LAMA4: variants seen among roughly 807,000 people sequenced by gnomAD.
The protein encoded by LAMA4 is laminin subunit alpha-4.
Under a neutral mutation model 207.1 loss-of-function variants are expected in LAMA4, and 127 were observed. The ratio of observed to expected loss-of-function variants is 0.61; its 90% CI spans 0.53 to 0.71. The LOEUF (loss-of-function observed/expected upper bound fraction) is 0.71. LAMA4 is among the 30% of genes least tolerant of loss of function. The pLI is 0.00. For synonymous variants in LAMA4, 761 were observed against 816.0 expected, an observed-to-expected ratio of 0.93 and a Z score of 1.15; for missense variants, 2,093 against 2,246.5, an observed-to-expected ratio of 0.93 and a Z score of 1.38.
intron 14 of LAMA4, among the ~76,000 whole-genome samples, chr6:112,157,010 G>T (rs1044594982): frequency 2.6e-5 from 4 of 151,846 alleles, no homozygotes; most frequent in Non-Finnish European, 4.4e-5. Context: ...TGAAATAAAG[G>T]TTTTACTTTT....
chr6:112,159,252 A>G (rs1780908938), intron 13 of LAMA4: 1 of 239,510 alleles, frequency 4.2e-6, no homozygotes, highest in Non-Finnish European at 8.2e-6. Context: ...TGTTGTCTCT[A>G]TTTTCTCTCA....
rs587639587 is a variant in LAMA4, at chr6:112,117,840, G to A, written c.4880C>T (p.Ser1627Phe). ...CLSNLQLNGA[S>F]ITSASQTFSV... ...GAATGTCTGAGAAGCAGAGGTGATG[G>A]AGGCCCCATTGAGCTGGAGATTGCT... Residue 1627 changes from serine (S) to phenylalanine (F), a missense_variant, in exon 35 of 39, where the codon TCC (serine) becomes TTC (phenylalanine). Physicochemically the swap from Ser to Phe is radical, Grantham distance 155 (BLOSUM62 -2). Coordinates refer to ENST00000230538, the MANE Select transcript of LAMA4 (RefSeq NM_001105206.3). The surrounding 1 kb of genome is among the most constrained non-coding windows in gnomAD (Gnocchi z 4.5). The A allele has an allele frequency of 2.5e-6, 4 of 1,613,750 alleles. No individual in the cohort carries two copies. In the East Asian group the frequency reaches 8.9e-5, roughly 36 times the overall value.
intron 13 of LAMA4, among the ~76,000 whole-genome samples, chr6:112,162,691 A>ATGAGACTG (rs1781128433): frequency 6.6e-6 from 1 of 152,138 alleles, no homozygotes; most frequent in Admixed American, 6.5e-5. Flanking sequence ...TACATCATAG[A>ATGAGACTG]TGAGACTGTG....
At chr6:112,144,587 T>C (rs1193110820) in intron 19 of LAMA4, among the ~76,000 whole-genome samples, 1 of 152,164 alleles carries the variant, frequency 6.6e-6, no homozygotes, top group African/African-American at 2.4e-5. Flanking sequence ...CTCTACAGAG[T>C]CTGATCTATT....
intron 9 of LAMA4, among the ~76,000 whole-genome samples, chr6:112,183,571 G>T (rs1342193148): frequency 6.6e-6 from 1 of 152,118 alleles, no homozygotes; most frequent in Non-Finnish European, 1.5e-5. Flanking sequence ...TACAACAAAA[G>T]GATCAGGAAT....
chr6:112,174,004 G>C (rs1781872632), intron 11 of LAMA4, among the ~76,000 whole-genome samples: 1 of 152,190 alleles, frequency 6.6e-6, no homozygotes, highest in Non-Finnish European at 1.5e-5. Flanking sequence ...GGATCTAATA[G>C]TTACCATAAT....
intron 8 of LAMA4, chr6:112,186,647 T>C: frequency 5.2e-6 from 2 of 382,254 alleles, no homozygotes; most frequent in South Asian, 4.2e-5. Context: ...CAGAATACTT[T>C]AAATCATCTC....
At chr6:112,137,522 T>C (rs1253560668) in intron 24 of LAMA4, among the ~76,000 whole-genome samples, 4 of 152,240 alleles carry the variant, frequency 2.6e-5, no homozygotes, top group African/African-American at 9.6e-5. Context: ...AAAATTCACA[T>C]AATATGTGTG....
At chr6:112,213,854 A>C (rs933845964) in intron 3 of LAMA4, 10 of 443,690 alleles carry the variant, frequency 2.3e-5, no homozygotes, top group African/African-American at 2.0e-4. Flanking sequence ...AAATAAGACA[A>C]AATGAAATAA....
At chr6:112,145,357 C>T (rs879981863) in intron 18 of LAMA4, among the ~76,000 whole-genome samples, 2 of 152,190 alleles carry the variant, frequency 1.3e-5, no homozygotes, top group South Asian at 2.1e-4. Context: ...ATGGCTCAGG[C>T]GTGCTGGTGC....
At chr6:112,210,792 A>C (rs1239134941) in intron 3 of LAMA4, among the ~76,000 whole-genome samples, 2 of 152,178 alleles carry the variant, frequency 1.3e-5, no homozygotes, top group Admixed American at 1.3e-4. Context: ...TTCTTCTATT[A>C]AGCCAGATAT....
At chr6:112,235,798 T>C (rs1785876409) in intron 2 of LAMA4, among the ~76,000 whole-genome samples, 1 of 152,142 alleles carries the variant, frequency 6.6e-6, no homozygotes, top group Non-Finnish European at 1.5e-5. Context: ...TTTCTAAGTA[T>C]AGGTGCTGAG....
chr6:112,189,272 C>T, intron 6 of LAMA4, 67 bp from the exon 7 acceptor site: 1 of 1,124,994 alleles, frequency 8.9e-7, no homozygotes, highest in East Asian at 2.4e-5. Flanking sequence ...CAATATTTTC[C>T]TGGTTTCTAG....
At chr6:112,111,439 G>T (rs1050466520) in intron 38 of LAMA4, among the ~76,000 whole-genome samples, 3 of 152,110 alleles carry the variant, frequency 2.0e-5, no homozygotes, top group Admixed American at 6.5e-5. Context: ...TTATGCGTTA[G>T]CTTTTTATGG....
At chr6:112,133,516 C>CA (rs782151912) in intron 26 of LAMA4, 29 bp from the exon 27 acceptor site, 2 of 1,612,986 alleles carry the variant, frequency 1.2e-6, no homozygotes, top group South Asian at 2.2e-5. Context: ...CTCACTGATA[C>CA]AGCCATGATG....
chr6:112,162,869 G>C (rs1325977228), intron 13 of LAMA4, among the ~76,000 whole-genome samples: 1 of 151,656 alleles, frequency 6.6e-6, no homozygotes. Context: ...GCTAGGGAGA[G>C]AGTATAGGTA....
intron 2 of LAMA4, among the ~76,000 whole-genome samples, chr6:112,240,166 C>T (rs1414423248): frequency 6.6e-6 from 1 of 152,120 alleles, no homozygotes; most frequent in East Asian, 1.9e-4. Context: ...TGTTTCTAAA[C>T]CTTCGTTAGT....
At chr6:112,159,127 A>G in intron 13 of LAMA4, 1 of 472,034 alleles carries the variant, frequency 2.1e-6, no homozygotes, top group Non-Finnish European at 3.8e-6. Context: ...TTCAGACCTA[A>G]AAACTAAAAC....
At position 112,115,929 on chromosome 6, in the gene LAMA4, G is replaced by A. The variant is rs782783070; in HGVS notation, c.5046C>T (p.Ser1682=). ...CACTGTGGCCGTGGACCAGGGTTCC[G>A]GAACTGCTTCTGGGACGGACTTCAA... ...IAFEVRPRSS[S]GTLVHGHSVN... The change falls in exon 36 of 39, where the codon TCC becomes TCT. Residue 1682 remains serine (S), a synonymous_variant. Transcript: ENST00000230538. 20 of 1,613,312 alleles carry A rather than the reference G, an allele frequency of 1.2e-5. No individual in the cohort carries two copies. Among genetic ancestry groups the A allele is most frequent in the African/African-American group, 6.7e-5 (5 of 74,866 alleles).
Sources: gnomAD v4.1 joint callset for allele counts (sites outside exome capture counted in the v4.1 genomes callset) on GRCh38, gnomAD v4.1.1 for gene constraint, Gnocchi (gnomAD v3.1) non-coding constraint, MANE v1.5 for transcripts, NCBI Gene and HGNC (gene_info 2026-07-23, HGNC 2026-07-21) for gene names.